The following PRKCA variants were observed in gnomAD, a reference collection of about 807,000 sequenced individuals.
PRKCA encodes the protein protein kinase C alpha, also known as protein kinase C alpha type.
Under a neutral mutation model 87.0 loss-of-function variants are expected in PRKCA, and 27 were observed. That is an observed-to-expected ratio of 0.31 (90% CI 0.23 to 0.43). The LOEUF is 0.43. Ranked by LOEUF, PRKCA falls within the 20% of genes least tolerant of loss-of-function variation. The pLI is 1.00. For missense variants in PRKCA, 518 were observed against 852.3 expected (o/e 0.61, Z 4.88); for synonymous variants, 329 against 311.1 (o/e 1.06, Z -0.61).
chr17:66,548,829 GCT>G (rs1027342640), intron 3 of PRKCA, among the ~76,000 whole-genome samples: 3 of 151,360 alleles, frequency 2.0e-5, no homozygotes, highest in East Asian at 3.9e-4. Context: ...TTTGAAGCAG[GCT>G]CTCTCTCTGT....
chr17:66,434,545 C>T (rs1913267621), intron 2 of PRKCA, among the ~76,000 whole-genome samples: 1 of 152,160 alleles, frequency 6.6e-6, no homozygotes, highest in Non-Finnish European at 1.5e-5. Flanking sequence ...TTTAGCAAAG[C>T]TCCCCATTTC....
intron 5 of PRKCA, among the ~76,000 whole-genome samples, chr17:66,665,468 G>A (rs8075968): frequency 0.098 from 14,885 of 151,422 alleles, 778 homozygotes; most frequent in Middle Eastern, 0.18. Context: ...AGGGAGCATC[G>A]CTGGGCTTGG....
At chr17:66,668,891 C>T (rs990054012) in intron 5 of PRKCA, among the ~76,000 whole-genome samples, 3 of 151,996 alleles carry the variant, frequency 2.0e-5, no homozygotes, top group Admixed American at 6.6e-5. Context: ...TCACTTGAGG[C>T]CAGAAGTTTG....
chr17:66,695,078 C>T (rs73329703), intron 8 of PRKCA, among the ~76,000 whole-genome samples: 3,364 of 152,132 alleles, frequency 0.022, 125 homozygotes, highest in African/African-American at 0.078. Context: ...ATTTCCTATC[C>T]CCAGAGTTAC....
intron 2 of PRKCA, among the ~76,000 whole-genome samples, chr17:66,351,196 C>T (rs991974890): frequency 6.6e-6 from 1 of 152,138 alleles, no homozygotes; most frequent in African/African-American, 2.4e-5. Flanking sequence ...TGAGTACAGC[C>T]GAATTTCCTG....
intron 3 of PRKCA, among the ~76,000 whole-genome samples, chr17:66,524,461 T>C (rs1270639938): frequency 6.6e-6 from 1 of 152,248 alleles, no homozygotes; most frequent in East Asian, 1.9e-4. Context: ...TAATTTTAAA[T>C]ACGGGTAGTC....
chr17:66,735,207 T>C (rs1973996452), intron 9 of PRKCA, among the ~76,000 whole-genome samples: 1 of 152,200 alleles, frequency 6.6e-6, no homozygotes, highest in Non-Finnish European at 1.5e-5. Context: ...TGATAGAGAA[T>C]GTTGAGTATT....
chr17:66,686,378 A>G (rs1229052071), intron 5 of PRKCA, among the ~76,000 whole-genome samples: 2 of 152,138 alleles, frequency 1.3e-5, no homozygotes, highest in Non-Finnish European at 2.9e-5. Flanking sequence ...GTGGGACCCA[A>G]GGTTCTGCAT....
At chr17:66,405,809 T>A (rs941091632) in intron 2 of PRKCA, among the ~76,000 whole-genome samples, 2 of 149,742 alleles carry the variant, frequency 1.3e-5, no homozygotes, top group Admixed American at 1.3e-4. Flanking sequence ...TCATTGGCAA[T>A]TTTTTTTTTA....
chr17:66,318,326 C>T (rs1905436035), intron 2 of PRKCA, among the ~76,000 whole-genome samples: 1 of 151,952 alleles, frequency 6.6e-6, no homozygotes, highest in Non-Finnish European at 1.5e-5. Context: ...AGTTTAGAAA[C>T]ATGGAGGAAT....
chr17:66,444,903 G>A (rs1913954553), intron 2 of PRKCA, among the ~76,000 whole-genome samples: 1 of 151,990 alleles, frequency 6.6e-6, no homozygotes, highest in South Asian at 2.1e-4. Context: ...TCAGTTTCTA[G>A]AGTTAACACC....
At chr17:66,438,781 G>A (rs1001645175) in intron 2 of PRKCA, among the ~76,000 whole-genome samples, 3 of 152,198 alleles carry the variant, frequency 2.0e-5, no homozygotes, top group African/African-American at 4.8e-5. Context: ...AGTGCTCAGT[G>A]AAGGGGGAAG....
At chr17:66,742,551 A>G (rs1458166925) in intron 12 of PRKCA, 71 bp from the exon 13 acceptor site, 11 of 1,516,750 alleles carry the variant, frequency 7.3e-6, no homozygotes, top group Admixed American at 3.5e-5. Context: ...ATATCCTTCT[A>G]TTTCACCAGT....
Position 66,775,661 on chromosome 17 carries a change from G to A in PRKCA, c.1605+1594G>A, listed in dbSNP as rs543812828. The A allele has an allele frequency of 7.0e-5, 69 of 985,446 alleles. No homozygotes were observed. The Middle Eastern group carries it at 1.6e-3, about 22-fold the overall frequency. The allele number at this position is 985,446 out of a possible 1,614,324, so 61.0% of individuals were successfully genotyped here. On this transcript the variant is annotated intron_variant, in intron 14 of 16. Transcript: ENST00000413366. Reference sequence around the variant, plus strand: ...ATGGAAAGAGATGGCCATGCTGTGCGACAGAGCCACCCCCAAAGACATCTT... The same window carrying A: ...ATGGAAAGAGATGGCCATGCTGTGCAACAGAGCCACCCCCAAAGACATCTT...
intron 2 of PRKCA, among the ~76,000 whole-genome samples, chr17:66,459,042 C>G (rs1914711815): frequency 6.6e-6 from 1 of 151,880 alleles, no homozygotes; most frequent in South Asian, 2.1e-4. Flanking sequence ...GGATTTGAAC[C>G]ACTAAGGAAC....
At chr17:66,771,830 C>G (rs1277133581) in intron 13 of PRKCA, among the ~76,000 whole-genome samples, 1 of 152,226 alleles carries the variant, frequency 6.6e-6, no homozygotes, top group East Asian at 1.9e-4. Flanking sequence ...TCTTGACCCT[C>G]ATGATCCACC....
chr17:66,679,499 C>T (rs982319712), intron 5 of PRKCA, among the ~76,000 whole-genome samples: 1 of 152,182 alleles, frequency 6.6e-6, no homozygotes, highest in Non-Finnish European at 1.5e-5. Flanking sequence ...ACCTTTAAAT[C>T]AGGTGCAGCA....
chr17:66,713,429 A>G (rs900467119), intron 8 of PRKCA, among the ~76,000 whole-genome samples: 5 of 152,158 alleles, frequency 3.3e-5, no homozygotes, highest in African/African-American at 1.2e-4. Flanking sequence ...CCCATCAGAT[A>G]GGAATCTGCT....
At chr17:66,481,313 G>A (rs1340245200) in intron 2 of PRKCA, among the ~76,000 whole-genome samples, 2 of 152,074 alleles carry the variant, frequency 1.3e-5, no homozygotes, top group South Asian at 4.1e-4. Context: ...GCTATTGCTC[G>A]ATAAATATTT....
Sources: allele counts gnomAD v4.1 joint callset (sites outside exome capture counted in the v4.1 genomes callset), GRCh38; gene constraint gnomAD v4.1.1; transcripts MANE v1.5; gene names NCBI Gene and HGNC (gene_info 2026-07-23, HGNC 2026-07-21).